The following MOV10L1 variants were observed in gnomAD, a reference collection of about 807,000 sequenced individuals.
The protein encoded by MOV10L1 is RNA helicase Mov10l1.
In MOV10L1, 110 loss-of-function variants were observed where a neutral mutation model predicts 143.8. The ratio of observed to expected loss-of-function variants is 0.76; its 90% confidence interval spans 0.66 to 0.90. The LOEUF (loss-of-function observed/expected upper bound fraction) is 0.90, where lower values mean the gene tolerates loss of function less well. Among genes scored for constraint, MOV10L1 ranks in the 40% least tolerant of loss-of-function variants. The pLI is 0.00. For synonymous variants in MOV10L1, 593 were observed against 581.1 expected, an observed-to-expected ratio of 1.02 and a Z score of -0.29; for missense variants, 1,406 against 1,526.8, an observed-to-expected ratio of 0.92 and a Z score of 1.32.
intron 22 of MOV10L1, among the ~76,000 whole-genome samples, chr22:50,156,202 G>A (rs2063424652): frequency 6.6e-6 from 1 of 150,896 alleles, no homozygotes; most frequent in South Asian, 2.1e-4. Context: ...TGCAACCTCC[G>A]CCTCCCATGT....
intron 2 of MOV10L1, among the ~76,000 whole-genome samples, chr22:50,097,572 G>C (rs1235415550): frequency 6.6e-6 from 1 of 152,088 alleles, no homozygotes; most frequent in African/African-American, 2.4e-5. Flanking sequence ...GCACATGCAA[G>C]GGTTTATTTC....
At chr22:50,129,247 C>T (rs1290171982) in intron 13 of MOV10L1, among the ~76,000 whole-genome samples, 1 of 152,226 alleles carries the variant, frequency 6.6e-6, no homozygotes, top group Non-Finnish European at 1.5e-5. Flanking sequence ...CAGCTACCAG[C>T]TCCTTACTTT....
intron 19 of MOV10L1, chr22:50,146,949 C>T: frequency 8.2e-6 from 8 of 972,252 alleles, no homozygotes; most frequent in Non-Finnish European, 1.3e-5. Context: ...TTCAGACTAG[C>T]CACTGTGCGG....
At position 50,114,552 on chromosome 22, in the gene MOV10L1, T is replaced by C. The variant is rs750392120; in HGVS notation, c.1056T>C (p.Asn352=). The C allele has an allele frequency of 1.9e-6, 3 of 1,614,210 alleles. No individual in the cohort carries two copies. Among genetic ancestry groups the C allele is most frequent in the Non-Finnish European group, 2.5e-6 (3 of 1,180,048 alleles). ...CAGATGAAAATATTAATTCATTAAATAGCCACACAAAAAACAAAACCTCTC... is the reference window on the plus strand; with the variant it reads ...CAGATGAAAATATTAATTCATTAAACAGCCACACAAAAAACAAAACCTCTC... ...NSSDENINSL[N]SHTKNKTSQM... Residue 352 remains asparagine, a synonymous_variant, in exon 7 of 27, where the codon AAT becomes AAC. Transcript: ENST00000262794.
chr22:50,159,775 T>C lies in MOV10L1; in HGVS notation c.3314T>C (p.Ile1105Thr). 6.2e-7 allele frequency: 1 copy of C among 1,609,044 alleles called. No homozygotes were observed. The highest frequency in any genetic ancestry group is 8.5e-7 in the Non-Finnish European group (1 of 1,175,832). The change falls in exon 24 of 27, where the codon ATC becomes ACC. Residue 1105 changes from isoleucine (I) to threonine (T), a missense_variant. Transcript: ENST00000262794. The surrounding 1 kb of genome is among the most constrained non-coding windows in gnomAD (Gnocchi z 4.1). ...EFQGQEYLVI[I>T]ISTVRSNEDR... ...CAAGGACAAGAGTATCTGGTCATCA[T>C]CATTTCGACCGTAGGTATCCCTGTT...
intron 19 of MOV10L1, 190 bp from the exon 20 acceptor site, chr22:50,149,425 T>G: frequency 3.4e-6 from 2 of 594,186 alleles, no homozygotes; most frequent in Non-Finnish European, 3.0e-6. Flanking sequence ...CTGATGTGGC[T>G]TAGCATCTCC....
At chr22:50,144,914 G>T (rs984239989) in intron 18 of MOV10L1, among the ~76,000 whole-genome samples, 7 of 151,770 alleles carry the variant, frequency 4.6e-5, no homozygotes, top group African/African-American at 7.3e-5. Flanking sequence ...TAAGTTGCTG[G>T]TTTGGTTATA....
chr22:50,107,217 G>A (rs1403162359), intron 3 of MOV10L1, among the ~76,000 whole-genome samples: 3 of 151,642 alleles, frequency 2.0e-5, no homozygotes, highest in Admixed American at 2.0e-4. Flanking sequence ...TGGGACTACA[G>A]GCGCCTACCA....
chr22:50,121,702 G>A (rs142645582), intron 10 of MOV10L1, among the ~76,000 whole-genome samples: 1 of 152,292 alleles, frequency 6.6e-6, no homozygotes, highest in Non-Finnish European at 1.5e-5. Flanking sequence ...AGCTGGACCT[G>A]GGTCTGCTAG....
intron 15 of MOV10L1, among the ~76,000 whole-genome samples, chr22:50,138,183 G>A (rs2147314042): frequency 6.6e-6 from 1 of 152,236 alleles, no homozygotes; most frequent in African/African-American, 2.4e-5. Flanking sequence ...TGTAAGATCA[G>A]GATCAGGGCA....
intron 1 of MOV10L1, chr22:50,091,078 G>A (rs997329805): frequency 5.9e-6 from 1 of 168,174 alleles, no homozygotes; most frequent in African/African-American, 2.4e-5. Flanking sequence ...ACAGGAACAG[G>A]CTTCAGGAGG....
In MOV10L1 at chr22:50,090,370, G is replaced by T. The variant is rs1005289815; in HGVS notation, c.97+185G>T. On this transcript the variant is annotated intron_variant, in intron 1 of 26. Coordinates refer to ENST00000262794, the MANE Select transcript of MOV10L1 (RefSeq NM_018995.3). ...GAGGCTTCCGACCCCACAGCATCCC[G>T]CCGCTCTGGGCGCCCGTCCTCTGTG... is the stretch of plus-strand genomic sequence containing the variant. 2.0e-6 allele frequency: 3 copies of T among 1,533,774 alleles called. No homozygotes were observed. In the South Asian group the frequency reaches 3.6e-5, roughly 19 times the overall value.
rs1247534469 is a variant in MOV10L1, at chr22:50,108,319, C to G, written c.555+71C>G. The G allele has an allele frequency of 3.7e-6, 5 of 1,337,462 alleles. No homozygotes were observed. The African/African-American group carries it at 5.8e-5, about 15-fold the overall frequency. 82.8% of individuals were successfully genotyped at this position (1,337,462 alleles called of 1,614,324 possible). A position where few individuals can be genotyped will look rare whatever the true frequency, so the allele number is the denominator to read the frequency against. ...GCCATCAGGGGTAACTTGCACGGCC[C>G]AGGCTTCTCCTGCATGTGTTGGAAG... On this transcript the variant is annotated intron_variant, in intron 4 of 26. Coordinates refer to ENST00000262794, the MANE Select transcript of MOV10L1 (RefSeq NM_018995.3).
rs568581770 is a variant in MOV10L1 at position 50,109,462 on chromosome 22, G to T, written c.743+618G>T. 3.5e-3 allele frequency among the ~76,000 whole-genome samples: 533 copies of T among 151,956 alleles called. 2 individuals are homozygous for T. Among genetic ancestry groups the T allele is most frequent in the Non-Finnish European group, 5.9e-3 (402 of 67,972 alleles). On this transcript the variant is annotated intron_variant, in intron 5 of 26. Transcript: ENST00000262794. ...AGGCGGGTGAATCATGAGGTCAGGG[G>T]ATCGAGACCATCCTGGCTAACACGG...
chr22:50,108,996 T>A, intron 5 of MOV10L1, 152 bp downstream of exon 5: 2 of 693,130 alleles, frequency 2.9e-6, no homozygotes, highest in Non-Finnish European at 4.6e-6. Context: ...AGTACAAAAT[T>A]AGCTGGGCGT....
chr22:50,111,804 C>T (rs966686359), intron 5 of MOV10L1, among the ~76,000 whole-genome samples: 1 of 152,064 alleles, frequency 6.6e-6, no homozygotes, highest in African/African-American at 2.4e-5. Flanking sequence ...CGCCCGGCCC[C>T]GAGTCTTTAT....
chr22:50,138,667 A>G (rs1042785328), intron 15 of MOV10L1, among the ~76,000 whole-genome samples: 17 of 152,134 alleles, frequency 1.1e-4, no homozygotes, highest in African/African-American at 4.1e-4. Context: ...AATAAGTTGT[A>G]TATATATTTC....
Position 50,150,745 on chromosome 22 carries a change from C to T in MOV10L1, c.2738C>T (p.Ala913Val), listed in dbSNP as rs199789683. The T allele has an allele frequency of 8.2e-5, 133 of 1,613,850 alleles. 1 individual carries two copies. In the Admixed American group the frequency reaches 2.2e-3, roughly 26 times the overall value. Residue 913 changes from alanine (A) to valine (V), a missense_variant, in exon 21 of 27, where the codon GCA becomes GTA. By Grantham distance (64) the Ala-to-Val change is moderately conservative. This residue lies in a region of MOV10L1 where 1,233 missense variants were observed against 1,351.4 expected (regional missense o/e 0.91). Transcript: ENST00000262794. ...GCCCTCTGTGTGCAGATCGTGCTGGCAGGAGACCCCATGCAGCTCGGCCCA... is the reference window on the plus strand; with the variant it reads ...GCCCTCTGTGTGCAGATCGTGCTGGTAGGAGACCCCATGCAGCTCGGCCCA... ...MSDISGQIVLAGDPMQLGPVI... is the reference protein window; with the variant it reads ...MSDISGQIVLVGDPMQLGPVI...
intron 13 of MOV10L1, 137 bp from the exon 14 acceptor site, chr22:50,133,870 T>G (rs2062747124): frequency 9.2e-6 from 7 of 760,302 alleles, no homozygotes; most frequent in Middle Eastern, 2.3e-4. Flanking sequence ...GTTCTCTATT[T>G]CATTGATTGT....
Sources: gnomAD v4.1 joint callset for allele counts (sites outside exome capture counted in the v4.1 genomes callset) on GRCh38, gnomAD v4.1.1 for gene constraint, gnomAD v4.1.1 regional missense constraint, Gnocchi (gnomAD v3.1) non-coding constraint, MANE v1.5 for transcripts, NCBI Gene and HGNC (gene_info 2026-07-23, HGNC 2026-07-21) for gene names.